PLEKHG5: variants seen among roughly 807,000 people sequenced by gnomAD.
PLEKHG5 encodes the protein pleckstrin homology and RhoGEF domain containing G5.
In PLEKHG5, 52 loss-of-function variants were observed where a neutral mutation model predicts 103.8. That is an observed-to-expected ratio of 0.50 (90% CI 0.40 to 0.63). The LOEUF is 0.63. Among genes scored for constraint, PLEKHG5 ranks in the 30% least tolerant of loss-of-function variants. The pLI is 0.00. For synonymous variants in PLEKHG5, 592 were observed against 575.5 expected (o/e 1.03, Z -0.41); for missense variants, 1,205 against 1,347.6 (o/e 0.89, Z 1.66).
At chr1:6,472,711 T>C in intron 9 of PLEKHG5, 89 bp from the exon 10 acceptor site, 1 of 947,816 alleles carries the variant, frequency 1.1e-6, no homozygotes. Context: ...CAACTCTCAT[T>C]TTCCCAATGG....
intron 1 of PLEKHG5, among the ~76,000 whole-genome samples, chr1:6,512,476 G>T (rs1318625414): frequency 6.6e-6 from 1 of 152,232 alleles, no homozygotes; most frequent in East Asian, 1.9e-4. Flanking sequence ...GGGCAGGGAA[G>T]CCAGACAGTG....
chr1:6,467,886 T>C lies in PLEKHG5; in HGVS notation c.2950A>G (p.Thr984Ala). Residue 984 changes from threonine to alanine, a missense_variant, in exon 20 of 21, where the codon ACC (threonine) becomes GCC (alanine). Transcript: ENST00000377728. ...CTGATTCGGTAGAGCTGGGCCAGGG[T>C]CAGCTTCCTGTGCTGGGCAGAGACC... is the stretch of plus-strand genomic sequence containing the variant. ...PGVSAQHRKL[T>A]LAQLYRIRTT... 6.2e-7 allele frequency: 1 copy of C among 1,611,246 alleles called. No individual in the cohort carries two copies. The highest frequency in any genetic ancestry group is 8.5e-7 in the Non-Finnish European group (1 of 1,179,008).
At chr1:6,512,690 C>T (rs547551409) in intron 1 of PLEKHG5, among the ~76,000 whole-genome samples, 4 of 152,334 alleles carry the variant, frequency 2.6e-5, no homozygotes, top group African/African-American at 4.8e-5. Flanking sequence ...CCCTGCCCTG[C>T]GCTGGCACAG....
At chr1:6,489,925 T>C (rs1645115560) in intron 1 of PLEKHG5, among the ~76,000 whole-genome samples, 1 of 152,100 alleles carries the variant, frequency 6.6e-6, no homozygotes, top group South Asian at 2.1e-4. Context: ...TGGCCTCCAT[T>C]TCCCAGACTT....
chr1:6,479,281 C>T (rs1644840515), intron 1 of PLEKHG5, among the ~76,000 whole-genome samples: 2 of 145,948 alleles, frequency 1.4e-5, no homozygotes, highest in Non-Finnish European at 1.5e-5. Flanking sequence ...GTCTGTTTAT[C>T]CTTTTTTTTT....
chr1:6,470,311 A>G lies in PLEKHG5; in HGVS notation c.1725T>C (p.Pro575=). The change falls in exon 16 of 21, where the codon CCT becomes CCC. Residue 575 remains proline, a synonymous_variant. Transcript: ENST00000377728. The stretch of plus-strand genomic sequence containing the variant: ...GCCGCGTCTCCTCCGGGGAGGCGCC[A>G]GGGATGGGCGCTGTCAAGTCCAGGT... ...FLHLDLTAPI[P]GASPEETRQL... The G allele has an allele frequency of 6.2e-7, 1 of 1,613,888 alleles. No individual in the cohort carries two copies. Among genetic ancestry groups the G allele is most frequent in the South Asian group, 1.1e-5 (1 of 91,064 alleles).
rs267598690 is a variant in PLEKHG5 at position 6,470,295 on chromosome 1, C to T, written c.1741G>A (p.Glu581Lys). 2.8e-5 allele frequency: 45 copies of T among 1,613,936 alleles called. No individual in the cohort carries two copies. Among genetic ancestry groups the T allele is most frequent in the Non-Finnish European group, 3.6e-5 (43 of 1,180,002 alleles). ...CCCTCCAGCAGCAGCTGCCGCGTCT[C>T]CTCCGGGGAGGCGCCAGGGATGGGC... ...TAPIPGASPE[E>K]TRQLLLEGSL... The change falls in exon 16 of 21, where the codon GAG becomes AAG. Residue 581 changes from glutamate to lysine, a missense_variant. Glu to Lys is a moderately conservative substitution (Grantham distance 56). Coordinates refer to ENST00000377728, the MANE Select transcript of PLEKHG5 (RefSeq NM_020631.6).
At chr1:6,519,324 C>T (rs1048385607) in intron 1 of PLEKHG5, 6 of 815,518 alleles carry the variant, frequency 7.4e-6, no homozygotes, top group Non-Finnish European at 1.3e-5. Context: ...GGCTCTTAAA[C>T]CGTCCGGACT....
intron 1 of PLEKHG5, chr1:6,485,298 G>A (rs1645001258): frequency 1.5e-6 from 2 of 1,352,782 alleles, no homozygotes; most frequent in Non-Finnish European, 1.9e-6. Context: ...ACCCAGCCCC[G>A]TTCCCGCCCC....
upstream of PLEKHG5, among the ~76,000 whole-genome samples, chr1:6,493,793 T>C (rs1645183845): frequency 6.6e-6 from 1 of 152,076 alleles, no homozygotes; most frequent in African/African-American, 2.4e-5. Context: ...GTAGCTGGGA[T>C]TACAGGTGTG....
chr1:6,467,987 G>A lies in PLEKHG5; in HGVS notation c.2849C>T (p.Ala950Val), dbSNP rs1267138325. ...GLVGCLAGEP[A>V]GSHRKRCGDL... is the part of the protein sequence containing the mutation. ...TCCACACCTCTTCCTGTGGGAGCCT[G>A]CAGGTTCCCCGGCCAGGCAGCCGAC... is the stretch of plus-strand genomic sequence containing the variant. Residue 950 changes from alanine (A) to valine (V), a missense_variant, in exon 20 of 21, where the codon GCA becomes GTA. Transcript: ENST00000377728. The A allele has an allele frequency of 6.4e-7, 1 of 1,555,808 alleles. No individual in the cohort carries two copies. The highest frequency in any genetic ancestry group is 1.2e-5 in the South Asian group (1 of 85,454).
At chr1:6,489,932 A>T (rs1470364302) in intron 1 of PLEKHG5, among the ~76,000 whole-genome samples, 2 of 152,066 alleles carry the variant, frequency 1.3e-5, no homozygotes, top group African/African-American at 4.8e-5. Context: ...CATTTCCCAG[A>T]CTTCCACCAA....
intron 1 of PLEKHG5, among the ~76,000 whole-genome samples, chr1:6,514,418 C>T (rs188390403): frequency 4.0e-5 from 6 of 151,810 alleles, no homozygotes; most frequent in Non-Finnish European, 7.4e-5. Context: ...TGTGCCACTG[C>T]ACTCCAGCCT....
rs748589829 is a variant in PLEKHG5 at position 6,474,171 on chromosome 1, G to A, written c.440-7C>T. On this transcript the variant is annotated splice_polypyrimidine_tract_variant and splice_region_variant and intron_variant, in intron 6 of 20. Transcript: ENST00000377728. ...TCTCCAGGCTTGGCTGGGGCTGCAT[G>A]TGGGGGCCACGAGAGATCCTCAGTA... 6.2e-6 allele frequency: 10 copies of A among 1,613,096 alleles called. No homozygotes were observed. The African/African-American group carries it at 1.2e-4, about 19-fold the overall frequency.
intron 1 of PLEKHG5, among the ~76,000 whole-genome samples, chr1:6,515,608 T>C (rs1638591543): frequency 1.3e-5 from 2 of 151,852 alleles, no homozygotes; most frequent in African/African-American, 2.4e-5. Flanking sequence ...GGGAGAATCA[T>C]TTGAGGCCAG....
At chr1:6,479,566 G>A (rs148847453) in intron 1 of PLEKHG5, among the ~76,000 whole-genome samples, 5,413 of 151,522 alleles carry the variant, frequency 0.036, 234 homozygotes, top group African/African-American at 0.11. Flanking sequence ...GATTACACGC[G>A]TGAGCCACCG....
chr1:6,512,902 G>GC (rs1373703954), intron 1 of PLEKHG5, among the ~76,000 whole-genome samples: 7 of 152,118 alleles, frequency 4.6e-5, no homozygotes, highest in Non-Finnish European at 8.8e-5. Context: ...GGCCATGGGG[G>GC]GGTGAATAAA....
At chr1:6,468,698 G>A in intron 19 of PLEKHG5, 112 bp from the exon 20 acceptor site, 1 of 1,179,952 alleles carries the variant, frequency 8.5e-7, no homozygotes, top group Non-Finnish European at 1.2e-6. Flanking sequence ...TGGGGCTGGA[G>A]GCTCAGAGAT....
Position 6,489,429 on chromosome 1 carries a change from G to A in PLEKHG5, c.-88+2208C>T, listed in dbSNP as rs180729402. ...AGGGACACAGAAAACCTCTCCCCAG[G>A]CTAAGCCCACCGCACGGGCCCTGGA... On this transcript the variant is annotated intron_variant, in intron 1 of 20. Coordinates refer to ENST00000377728, the MANE Select transcript of PLEKHG5 (RefSeq NM_020631.6). 7.6e-4 allele frequency among the ~76,000 whole-genome samples: 115 copies of A among 152,312 alleles called. 1 individual carries two copies. In the East Asian group the frequency reaches 0.018, roughly 23 times the overall value.
Sources: gnomAD v4.1 joint callset for allele counts (sites outside exome capture counted in the v4.1 genomes callset) on GRCh38, gnomAD v4.1.1 for gene constraint, MANE v1.5 for transcripts, NCBI Gene and HGNC (gene_info 2026-07-23, HGNC 2026-07-21) for gene names.